The following CHMP4C variants were observed in gnomAD, a reference collection of about 807,000 sequenced individuals.
The protein encoded by CHMP4C is charged multivesicular body protein 4C.
A neutral mutation model predicts 29.0 loss-of-function variants in CHMP4C; 28 were observed. The observed-to-expected ratio is 0.97, with a 90% CI of 0.72 to 1.32. The LOEUF (loss-of-function observed/expected upper bound fraction) is 1.32. CHMP4C is among the 40% of genes most tolerant of loss of function. CHMP4C has a pLI of 0.00. For synonymous variants in CHMP4C, 106 were observed against 102.4 expected (o/e 1.04, Z -0.21); for missense variants, 291 against 281.0 (o/e 1.04, Z -0.25).
chr8:81,743,171 A>T (rs61432007), intron 1 of CHMP4C, among the ~76,000 whole-genome samples: 2,153 of 152,102 alleles, frequency 0.014, 44 homozygotes, highest in African/African-American at 0.049. Context: ...CCACAGGCAC[A>T]GTGCTATGAT....
intron 1 of CHMP4C, among the ~76,000 whole-genome samples, chr8:81,751,376 T>TA (rs981857769): frequency 2.0e-5 from 3 of 151,250 alleles, no homozygotes; most frequent in African/African-American, 4.8e-5. Context: ...GAAAGTATAA[T>TA]AAAAAAACTC....
chr8:81,753,773 T>G (rs934352076), intron 2 of CHMP4C, among the ~76,000 whole-genome samples: 2 of 152,164 alleles, frequency 1.3e-5, no homozygotes, highest in African/African-American at 2.4e-5. Flanking sequence ...GGTCAACTGC[T>G]GACTATCCCT....
rs1394310586 is a variant in CHMP4C at position 81,758,638 on chromosome 8, T to C, written c.*94T>C. 1.2e-6 allele frequency: 1 copy of C among 821,992 alleles called. No homozygotes were observed. Among genetic ancestry groups the C allele is most frequent in the Non-Finnish European group, 2.0e-6 (1 of 496,690 alleles). 50.9% of individuals were successfully genotyped at this position (821,992 alleles called of 1,614,324 possible). On this transcript the variant is annotated 3_prime_UTR_variant, in exon 5 of 5. Transcript: ENST00000297265. ...TTCAGAAGTTAACAAAGACTCTGCT[T>C]TATAATTATATTGAATGAATAATTG...
At chr8:81,750,060 A>T (rs965828900) in intron 1 of CHMP4C, among the ~76,000 whole-genome samples, 3 of 152,210 alleles carry the variant, frequency 2.0e-5, no homozygotes, top group African/African-American at 7.2e-5. Context: ...GCAATAGAAA[A>T]GAAAACCTCA....
intron 1 of CHMP4C, among the ~76,000 whole-genome samples, chr8:81,734,336 T>G (rs533118327): frequency 9.9e-5 from 15 of 152,258 alleles, no homozygotes; most frequent in South Asian, 2.1e-4. Context: ...TGGTGGTGGT[T>G]GTTGTTGTTT....
intron 1 of CHMP4C, among the ~76,000 whole-genome samples, chr8:81,745,171 A>G (rs990218881): frequency 2.0e-5 from 3 of 152,234 alleles, no homozygotes; most frequent in African/African-American, 4.8e-5. Context: ...AAGTTCCTCA[A>G]ATAAAACATG....
At chr8:81,739,421 G>GGGGC (rs1554592458) in intron 1 of CHMP4C, among the ~76,000 whole-genome samples, 2 of 140,834 alleles carry the variant, frequency 1.4e-5, no homozygotes, top group East Asian at 2.2e-4. Flanking sequence ...GGGATTGTGG[G>GGGGC]GGGGGGTGGA....
intron 1 of CHMP4C, among the ~76,000 whole-genome samples, chr8:81,745,494 A>G (rs1808811685): frequency 6.6e-6 from 1 of 152,228 alleles, no homozygotes; most frequent in Non-Finnish European, 1.5e-5. Flanking sequence ...AAAATGTCCT[A>G]TACATTACAT....
In CHMP4C at chr8:81,758,629, G is replaced by T; in HGVS notation, c.*85G>T. 1 of 884,546 alleles carries T rather than the reference G, an allele frequency of 1.1e-6. No individual in the cohort carries two copies. 54.8% of individuals were successfully genotyped at this position (884,546 alleles called of 1,614,324 possible). The stretch of plus-strand genomic sequence containing the variant: ...TTTACCAAGTTCAGAAGTTAACAAA[G>T]ACTCTGCTTTATAATTATATTGAAT... On this transcript the variant is annotated 3_prime_UTR_variant, in exon 5 of 5. Transcript: ENST00000297265.
chr8:81,753,247 T>C lies in CHMP4C; in HGVS notation c.368+6T>C, dbSNP rs577617860. On this transcript the variant is annotated splice_donor_region_variant and intron_variant, in intron 2 of 4. Coordinates refer to ENST00000297265, the MANE Select transcript of CHMP4C (RefSeq NM_152284.4). The stretch of plus-strand genomic sequence containing the variant: ...AAATCTGTTCATGAAAACATGTGAG[T>C]GACTCTGGTCTCCCTCTGAATCATA... The C allele has an allele frequency of 2.6e-4, 419 of 1,595,036 alleles. 7 individuals carry two copies. The South Asian group carries it at 4.6e-3, about 17-fold the overall frequency.
At chr8:81,754,446 G>A (rs891155182) in intron 2 of CHMP4C, among the ~76,000 whole-genome samples, 2 of 152,124 alleles carry the variant, frequency 1.3e-5, no homozygotes, top group Non-Finnish European at 2.9e-5. Context: ...GGAGGTAAAA[G>A]TATTCTTTTT....
intron 1 of CHMP4C, among the ~76,000 whole-genome samples, chr8:81,747,221 T>C (rs993030688): frequency 2.6e-5 from 4 of 152,166 alleles, no homozygotes; most frequent in Non-Finnish European, 5.9e-5. Flanking sequence ...AACATAGGTC[T>C]AGAGCTTCAG....
chr8:81,736,357 C>T (rs112251903), intron 1 of CHMP4C, among the ~76,000 whole-genome samples: 1 of 151,638 alleles, frequency 6.6e-6, no homozygotes, highest in Non-Finnish European at 1.5e-5. Context: ...GGTGAGGTCT[C>T]CCTATGTTGC....
chr8:81,749,272 A>G (rs559079359), intron 1 of CHMP4C, among the ~76,000 whole-genome samples: 2 of 152,296 alleles, frequency 1.3e-5, no homozygotes, highest in East Asian at 1.9e-4. Context: ...TATTCATTTT[A>G]TTTCTGTAAA....
intron 1 of CHMP4C, among the ~76,000 whole-genome samples, chr8:81,742,687 A>C (rs1187337245): frequency 1.3e-5 from 2 of 152,126 alleles, no homozygotes; most frequent in Non-Finnish European, 2.9e-5. Context: ...TTACATTATC[A>C]TTTCTTTCCA....
intron 2 of CHMP4C, 96 bp downstream of exon 2, chr8:81,753,337 T>C: frequency 2.4e-6 from 2 of 823,938 alleles, no homozygotes; most frequent in Non-Finnish European, 3.5e-6. Flanking sequence ...ATGGGTTTAC[T>C]CATTTGAGGC....
rs1751863960 is a variant in CHMP4C, at chr8:81,732,566, CGCGGCCCCGGGGA to C, written c.-58_-46del. ...CTGCCTTGCTCACCTGTCCCCTCGG[CGCGGCCCCGGGGA>C]GCTCCCGAGAGGCCCCCGGGATCGC... On this transcript the variant is annotated 5_prime_UTR_variant, in exon 1 of 5. Coordinates refer to ENST00000297265, the MANE Select transcript of CHMP4C (RefSeq NM_152284.4). The C allele has an allele frequency of 2.2e-6, 3 of 1,338,044 alleles. No individual in the cohort carries two copies. The highest frequency in any genetic ancestry group is 3.0e-6 in the Non-Finnish European group (3 of 990,238). 82.9% of individuals were successfully genotyped at this position (1,338,044 alleles called of 1,614,324 possible). A position where few individuals can be genotyped will look rare whatever the true frequency, so the allele number is the denominator to read the frequency against.
At chr8:81,757,971 A>G (rs999200248) in intron 3 of CHMP4C, among the ~76,000 whole-genome samples, 171 bp from the exon 4 acceptor site, 3 of 152,184 alleles carry the variant, frequency 2.0e-5, no homozygotes, top group African/African-American at 7.2e-5. Context: ...CAGAATATTC[A>G]TTTTTTAATC....
rs28403218 is a variant in CHMP4C at position 81,752,831 on chromosome 8, T to C, written c.191-233T>C. 9.9e-3 allele frequency among the ~76,000 whole-genome samples: 1,502 copies of C among 152,316 alleles called. 24 individuals are homozygous for C. Among genetic ancestry groups the C allele is most frequent in the African/African-American group, 0.034 (1,418 of 41,568 alleles). On this transcript the variant is annotated intron_variant, in intron 1 of 4. Coordinates refer to ENST00000297265, the MANE Select transcript of CHMP4C (RefSeq NM_152284.4). Reference sequence around the variant, plus strand: ...GGAATAGGAAAACTGACTTTCCATCTGCTTATACTTGCCAGATCTTTGGAA... The same window carrying C: ...GGAATAGGAAAACTGACTTTCCATCCGCTTATACTTGCCAGATCTTTGGAA...
Sources: allele counts gnomAD v4.1 joint callset (sites outside exome capture counted in the v4.1 genomes callset), GRCh38; gene constraint gnomAD v4.1.1; transcripts MANE v1.5; gene names NCBI Gene and HGNC (gene_info 2026-07-23, HGNC 2026-07-21).